The following IGSF10 variants were observed in gnomAD, a reference collection of about 807,000 sequenced individuals.
The protein encoded by IGSF10 is immunoglobulin superfamily member 10.
In IGSF10, 126 loss-of-function variants were observed where a neutral mutation model predicts 128.2. That is an observed-to-expected ratio of 0.98 (90% confidence interval 0.85 to 1.14). The LOEUF is 1.14. IGSF10 is among the 50% of genes most tolerant of loss of function. IGSF10 has a pLI of 0.00. For synonymous variants in IGSF10, 1,185 were observed against 1,146.2 expected, an observed-to-expected ratio of 1.03 and a Z score of -0.68; for missense variants, 3,295 against 3,149.8, an observed-to-expected ratio of 1.05 and a Z score of -1.10.
the IGSF10 span, among the ~76,000 whole-genome samples, chr3:151,534,625 G>C: frequency 2.0e-5 from 3 of 151,526 alleles, no homozygotes; most frequent in Non-Finnish European, 4.4e-5. Flanking sequence ...TGGGTGGGGA[G>C]GGGGGTCATC....
At chr3:151,503,820 G>T in the IGSF10 span, among the ~76,000 whole-genome samples, 32 of 152,238 alleles carry the variant, frequency 2.1e-4, no homozygotes, top group African/African-American at 7.2e-4. Context: ...AGGGAGAGGG[G>T]AGTGCTGCTT....
At chr3:151,455,364 T>TC (rs1446706762) in intron 4 of IGSF10, among the ~76,000 whole-genome samples, 1 of 151,364 alleles carries the variant, frequency 6.6e-6, no homozygotes, top group Non-Finnish European at 1.5e-5. Flanking sequence ...TGCCCCCCCT[T>TC]GGCCTCCCAA....
chr3:151,510,152 G>T, the IGSF10 span, among the ~76,000 whole-genome samples: 1 of 152,170 alleles, frequency 6.6e-6, no homozygotes, highest in Admixed American at 6.5e-5. Context: ...TGCAGCTGGA[G>T]ATCTGAGAAT....
chr3:151,482,117 G>A, the IGSF10 span, among the ~76,000 whole-genome samples: 116,544 of 152,116 alleles, frequency 0.77, 44,808 homozygotes, highest in Middle Eastern at 0.87. Context: ...ACGTATCAAT[G>A]CAAGGACACA....
At chr3:151,567,299 T>A in the IGSF10 span, among the ~76,000 whole-genome samples, 2 of 152,202 alleles carry the variant, frequency 1.3e-5, no homozygotes, top group Non-Finnish European at 2.9e-5. Context: ...TAAATATTCA[T>A]TTTATTTGAG....
At chr3:151,480,954 C>T in the IGSF10 span, among the ~76,000 whole-genome samples, 1 of 152,128 alleles carries the variant, frequency 6.6e-6, no homozygotes, top group Non-Finnish European at 1.5e-5. Flanking sequence ...AGTACCCTGT[C>T]CCCCAGGGAC....
At chr3:151,516,403 G>C in the IGSF10 span, among the ~76,000 whole-genome samples, 2 of 152,054 alleles carry the variant, frequency 1.3e-5, no homozygotes, top group African/African-American at 4.8e-5. Context: ...GGTGAAAAGG[G>C]AGTCTGTTGT....
Position 151,448,058 on chromosome 3 carries a change from A to G in IGSF10, c.1923T>C (p.Gly641=), listed in dbSNP as rs780467516. 6.2e-7 allele frequency: 1 copy of G among 1,614,150 alleles called. No homozygotes were observed. The highest frequency in any genetic ancestry group is 8.5e-7 in the Non-Finnish European group (1 of 1,180,034). ...GGTTGGCTGCCACACAGCGATAATA[A>G]CCTTGGTCTTTCGGGGTGACCTGTA... ...RILQVTPKDQ[G]YYRCVAANPS... The change falls in exon 6 of 8, where the codon GGT becomes GGC. Residue 641 remains glycine, a synonymous_variant. Coordinates refer to ENST00000282466, the MANE Select transcript of IGSF10 (RefSeq NM_178822.5).
At chr3:151,610,915 A>G in the IGSF10 span, among the ~76,000 whole-genome samples, 69 of 152,320 alleles carry the variant, frequency 4.5e-4, no homozygotes, top group Admixed American at 2.7e-3. Context: ...TAAAGGTCCC[A>G]CCACTTAATA....
the IGSF10 span, among the ~76,000 whole-genome samples, chr3:151,603,915 C>T: frequency 1.3e-5 from 2 of 152,124 alleles, no homozygotes; most frequent in Non-Finnish European, 2.9e-5. Context: ...GCCTTTGTTC[C>T]GAGACTGTCC....
chr3:151,495,553 A>G, the IGSF10 span, among the ~76,000 whole-genome samples: 1 of 147,884 alleles, frequency 6.8e-6, no homozygotes, highest in Non-Finnish European at 1.5e-5. Context: ...AGAACGACAA[A>G]TAACTCAAAA....
chr3:151,453,681 T>C lies in IGSF10; in HGVS notation c.418A>G (p.Asn140Asp), dbSNP rs1326518974. The C allele has an allele frequency of 3.1e-6, 5 of 1,613,194 alleles. No homozygotes were observed. The highest frequency in any genetic ancestry group is 2.2e-5 in the South Asian group (2 of 91,058). Residue 140 changes from asparagine to aspartate, a missense_variant, in exon 5 of 8, where the codon AAT becomes GAT. Physicochemically the swap from Asn to Asp is conservative, Grantham distance 23 (BLOSUM62 1). Coordinates refer to ENST00000282466, the MANE Select transcript of IGSF10 (RefSeq NM_178822.5). ...SLTRLHMDHN[N>D]IEFINPEVFY... ...ACCTCTGGGTTTATAAACTCAATAT[T>C]GTTGTGGTCCATGTGCAATCGTGTC... is the stretch of plus-strand genomic sequence containing the variant.
At position 151,442,986 on chromosome 3, in the gene IGSF10, A is replaced by C; in HGVS notation, c.5961T>G (p.His1987Gln). 2 of 1,612,966 alleles carry C rather than the reference A, an allele frequency of 1.2e-6. No individual in the cohort carries two copies. The highest frequency in any genetic ancestry group is 1.7e-6 in the Non-Finnish European group (2 of 1,179,330). ...CCAACCCAAAGGTATAGACTTACCT[A>C]TGCTGCTGGTCGACCACAGCCTTGG... ...LPSKAVVDQQHRVGSWIHVYP... is the reference protein window; with the variant it reads ...LPSKAVVDQQQRVGSWIHVYP... Residue 1987 changes from histidine (H) to glutamine (Q), a missense_variant and splice_region_variant, in exon 7 of 8, where the codon CAT becomes CAG. His to Gln is a conservative substitution (Grantham distance 24). Coordinates refer to ENST00000282466, the MANE Select transcript of IGSF10 (RefSeq NM_178822.5).
the IGSF10 span, among the ~76,000 whole-genome samples, chr3:151,551,398 T>C: frequency 4.6e-5 from 7 of 152,128 alleles, no homozygotes; most frequent in African/African-American, 1.7e-4. Context: ...AGAATCTATG[T>C]ACACAAAAAG....
At chr3:151,435,134 C>T (rs1719989767), downstream of IGSF10, 2 of 147,782 alleles carry the variant, frequency 1.4e-5, no homozygotes, top group Non-Finnish European at 3.0e-5. Context: ...AGGTAAAGCC[C>T]TGTGGCAGAA....
the IGSF10 span, among the ~76,000 whole-genome samples, chr3:151,573,955 T>C: frequency 6.6e-6 from 1 of 152,146 alleles, no homozygotes; most frequent in Non-Finnish European, 1.5e-5. Flanking sequence ...CATTTCCTTG[T>C]CTGTAAAGGA....
At chr3:151,580,683 A>G in the IGSF10 span, among the ~76,000 whole-genome samples, 1 of 152,194 alleles carries the variant, frequency 6.6e-6, no homozygotes, top group Non-Finnish European at 1.5e-5. Flanking sequence ...GTTAAAAAAA[A>G]AATCTGTCTA....
intron 4 of IGSF10, among the ~76,000 whole-genome samples, chr3:151,455,168 T>G (rs1244018541): frequency 1.4e-5 from 2 of 141,654 alleles, no homozygotes; most frequent in Non-Finnish European, 1.5e-5. Flanking sequence ...TGGAGTGCAA[T>G]GGAGTGATCT....
At chr3:151,600,265 G>A in the IGSF10 span, among the ~76,000 whole-genome samples, 10 of 151,956 alleles carry the variant, frequency 6.6e-5, no homozygotes, top group Admixed American at 2.0e-4. Flanking sequence ...CAGATGGTTT[G>A]AAAAAAATCT....
Sources: gnomAD v4.1 joint callset for allele counts (sites outside exome capture counted in the v4.1 genomes callset) on GRCh38, gnomAD v4.1.1 for gene constraint, MANE v1.5 for transcripts, NCBI Gene and HGNC (gene_info 2026-07-23, HGNC 2026-07-21) for gene names.